The following MYO5C variants were observed in gnomAD, a reference collection of about 807,000 sequenced individuals.
MYO5C encodes myosin VC.
Under a neutral mutation model 235.7 loss-of-function variants are expected in MYO5C, and 194 were observed. The ratio of observed to expected loss-of-function variants is 0.82; its 90% CI spans 0.73 to 0.93. The LOEUF (loss-of-function observed/expected upper bound fraction) is 0.93, where lower values mean the gene tolerates loss of function less well. Among genes scored for constraint, MYO5C ranks in the 40% least tolerant of loss-of-function variants. The pLI is 0.00. For missense variants in MYO5C, 2,038 were observed against 2,127.2 expected (o/e 0.96, Z 0.82); for synonymous variants, 707 against 754.8 (o/e 0.94, Z 1.04).
At chr15:52,217,658 T>C (rs1169907593) in intron 32 of MYO5C, among the ~76,000 whole-genome samples, 1 of 152,242 alleles carries the variant, frequency 6.6e-6, no homozygotes, top group Non-Finnish European at 1.5e-5. Context: ...CTATTAAATG[T>C]CAAACTCCTG....
intron 4 of MYO5C, among the ~76,000 whole-genome samples, chr15:52,276,432 G>T (rs948739498): frequency 1.3e-5 from 2 of 152,138 alleles, no homozygotes; most frequent in African/African-American, 4.8e-5. Context: ...TGGCTGCCAG[G>T]GAAGCTCATT....
chr15:52,288,974 A>C (rs1236565564), intron 1 of MYO5C, among the ~76,000 whole-genome samples: 1 of 152,172 alleles, frequency 6.6e-6, no homozygotes, highest in Non-Finnish European at 1.5e-5. Flanking sequence ...TTTCTGAGGG[A>C]TCTTCTGGCA....
At chr15:52,266,932 T>C (rs1421185404) in intron 8 of MYO5C, among the ~76,000 whole-genome samples, 1 of 152,160 alleles carries the variant, frequency 6.6e-6, no homozygotes, top group Non-Finnish European at 1.5e-5. Context: ...GCCATCACCA[T>C]TAATGCCTTG....
At chr15:52,277,953 C>G (rs1238310630) in intron 4 of MYO5C, 1 of 456,012 alleles carries the variant, frequency 2.2e-6, no homozygotes, top group South Asian at 1.5e-5. Context: ...AGCTCAGGAG[C>G]TGCGGCTGGG....
chr15:52,243,102 T>C (rs1321028280), intron 19 of MYO5C: 1 of 152,160 alleles, frequency 6.6e-6, no homozygotes, highest in African/African-American at 2.4e-5. Flanking sequence ...CCTGCCCTCA[T>C]GGAGCTTCCA....
At chr15:52,219,215 C>T (rs1281296156) in intron 31 of MYO5C, among the ~76,000 whole-genome samples, 1 of 152,192 alleles carries the variant, frequency 6.6e-6, no homozygotes, top group Non-Finnish European at 1.5e-5. Flanking sequence ...ATAAGTGTCT[C>T]AACAAGTTGG....
rs923911683 is a variant in MYO5C at position 52,229,382 on chromosome 15, T to C, written c.3027-69A>G. ...GCTGAAACCTGTAATCCCAGCACTTTGGGAGGCCAAGGCAGGCGGATCCCT... is the reference window on the plus strand; with the variant it reads ...GCTGAAACCTGTAATCCCAGCACTTCGGGAGGCCAAGGCAGGCGGATCCCT... On this transcript the variant is annotated intron_variant, in intron 24 of 40. Coordinates refer to ENST00000261839, the MANE Select transcript of MYO5C (RefSeq NM_018728.4). 17 of 1,492,852 alleles carry C rather than the reference T, an allele frequency of 1.1e-5. No individual in the cohort carries two copies. In the Admixed American group the frequency reaches 2.0e-4, roughly 18 times the overall value. The allele number at this position is 1,492,852 out of a possible 1,614,324, so 92.5% of individuals were successfully genotyped here. A position where few individuals can be genotyped will look rare whatever the true frequency, so the allele number is the denominator to read the frequency against.
chr15:52,240,151 A>G (rs2036180136), intron 20 of MYO5C, among the ~76,000 whole-genome samples: 1 of 152,244 alleles, frequency 6.6e-6, no homozygotes, highest in African/African-American at 2.4e-5. Context: ...AAAAAATGGC[A>G]TGAGAAACCC....
At position 52,218,657 on chromosome 15, in the gene MYO5C, G is replaced by T. The variant is rs545758999; in HGVS notation, c.3816C>A (p.Thr1272=). The T allele has an allele frequency of 9.9e-6, 16 of 1,614,044 alleles. No individual in the cohort carries two copies. In the East Asian group the frequency reaches 3.3e-4, roughly 34 times the overall value. The change falls in exon 32 of 41, where the codon ACC becomes ACA. Residue 1272 remains threonine (T), a synonymous_variant. Transcript: ENST00000261839. ...TATCAATCAGCTTCTCCTTCTCTTTGGTATGTATTTCATTTTGGGCTTCCA... is the reference window on the plus strand; with the variant it reads ...TATCAATCAGCTTCTCCTTCTCTTTTGTATGTATTTCATTTTGGGCTTCCA... ...KALEAQNEIH[T]KEKEKLIDKI... is the part of the protein sequence containing the mutation.
chr15:52,288,041 T>C (rs919476954), intron 1 of MYO5C, among the ~76,000 whole-genome samples: 4 of 151,876 alleles, frequency 2.6e-5, no homozygotes, highest in African/African-American at 9.7e-5. Context: ...GGAGGTGTTC[T>C]GATGGGAGCT....
At chr15:52,246,090 A>G (rs763143169) in intron 16 of MYO5C, 48 bp from the exon 17 acceptor site, 18 of 1,481,514 alleles carry the variant, frequency 1.2e-5, no homozygotes, top group Non-Finnish European at 1.7e-5. Flanking sequence ...TAATTGCTCA[A>G]CATGCCCATA....
intron 35 of MYO5C, among the ~76,000 whole-genome samples, chr15:52,209,940 T>C (rs1409284908): frequency 6.6e-6 from 1 of 152,182 alleles, no homozygotes; most frequent in Non-Finnish European, 1.5e-5. Context: ...TATTTCTTTC[T>C]TCCTAGAGTT....
chr15:52,211,785 T>C lies in MYO5C; in HGVS notation c.4241A>G (p.Asn1414Ser). 1 of 1,614,192 alleles carries C rather than the reference T, an allele frequency of 6.2e-7. No homozygotes were observed. Among genetic ancestry groups the C allele is most frequent in the Non-Finnish European group, 8.5e-7 (1 of 1,180,016 alleles). ...VRYADSLNDA[N>S]MLKSLMNSTI... ...GCTGTTCATGAGGGACTTCAGCATG[T>C]TGGCATCATTCAGAGAGTCTGCGTA... The change falls in exon 35 of 41, where the codon AAC becomes AGC. Residue 1414 changes from asparagine to serine, a missense_variant. Coordinates refer to ENST00000261839, the MANE Select transcript of MYO5C (RefSeq NM_018728.4).
In MYO5C at chr15:52,242,124, T is replaced by C. The variant is rs1207611397; in HGVS notation, c.2480A>G (p.Tyr827Cys). The change falls in exon 20 of 41, where the codon TAT (tyrosine) becomes TGT (cysteine). Residue 827 changes from tyrosine to cysteine, a missense_variant. By Grantham distance (194) the Tyr-to-Cys change is radical. Transcript: ENST00000261839. The part of the protein sequence containing the change: ...HCRGYLVRSL[Y>C]QLIRMATITM... ...GATGGTGGCCATGCGAATCAACTGA[T>C]ACAGGCTGCGAACAAGATACCCGCG... 4 of 1,614,150 alleles carry C rather than the reference T, an allele frequency of 2.5e-6. No individual in the cohort carries two copies. The highest frequency in any genetic ancestry group is 4.5e-5 in the East Asian group (2 of 44,888).
At chr15:52,237,344 C>T (rs1596175106) in intron 22 of MYO5C, 138 bp downstream of exon 22, 1 of 1,031,804 alleles carries the variant, frequency 9.7e-7, no homozygotes, top group East Asian at 2.4e-5. Flanking sequence ...AAAAGGTAGG[C>T]TCCCTTTGGT....
chr15:52,212,145 T>C (rs2141275313), intron 34 of MYO5C, among the ~76,000 whole-genome samples: 1 of 152,342 alleles, frequency 6.6e-6, no homozygotes, highest in South Asian at 2.1e-4. Context: ...TCTTTATTTT[T>C]CCCTGGTGTG....
chr15:52,268,692 G>C (rs1566987781), intron 8 of MYO5C, among the ~76,000 whole-genome samples: 1 of 152,200 alleles, frequency 6.6e-6, no homozygotes, highest in Non-Finnish European at 1.5e-5. Flanking sequence ...ACACCATCTG[G>C]TAGACAGCCT....
intron 36 of MYO5C, among the ~76,000 whole-genome samples, chr15:52,208,065 C>G (rs1330501522): frequency 6.6e-6 from 1 of 152,180 alleles, no homozygotes; most frequent in East Asian, 1.9e-4. Flanking sequence ...GCACTGAAAA[C>G]CCTGAAAGCC....
At chr15:52,221,300 C>T in intron 29 of MYO5C, 45 bp from the exon 30 acceptor site, 2 of 1,367,302 alleles carry the variant, frequency 1.5e-6, no homozygotes, top group Non-Finnish European at 2.0e-6. Flanking sequence ...ATACTTTTAT[C>T]TATGAACTTT....
Sources: allele counts gnomAD v4.1 joint callset (sites outside exome capture counted in the v4.1 genomes callset), GRCh38; gene constraint gnomAD v4.1.1; transcripts MANE v1.5; gene names NCBI Gene and HGNC (gene_info 2026-07-23, HGNC 2026-07-21).